PDE1B: variants seen among roughly 807,000 people sequenced by gnomAD.
PDE1B encodes the protein phosphodiesterase 1B, also known as dual specificity calcium/calmodulin-dependent 3',5'-cyclic nucleotide phosphodiesterase 1B.
A neutral mutation model predicts 66.7 loss-of-function variants in PDE1B; 13 were observed. That is an observed-to-expected ratio of 0.19 (90% CI 0.13 to 0.31). The LOEUF (loss-of-function observed/expected upper bound fraction) is 0.31, where lower values mean the gene tolerates loss of function less well. Ranked by LOEUF, PDE1B falls within the 10% of genes least tolerant of loss-of-function variation. The probability of loss-of-function intolerance (pLI) is 1.00; values close to 1 mark genes in which losing one functional copy is unlikely to be tolerated. For missense variants in PDE1B, 485 were observed against 682.3 expected (o/e 0.71, Z 3.22); for synonymous variants, 230 against 253.9 (o/e 0.91, Z 0.90).
At chr12:54,555,386 C>G (rs567136303) in intron 2 of PDE1B, among the ~76,000 whole-genome samples, 2 of 152,126 alleles carry the variant, frequency 1.3e-5, no homozygotes, top group Non-Finnish European at 2.9e-5. Flanking sequence ...CCAGGAGCCT[C>G]AGGAGGTGGT....
At chr12:54,559,713 G>T (rs1957382480) in intron 2 of PDE1B, among the ~76,000 whole-genome samples, 1 of 152,168 alleles carries the variant, frequency 6.6e-6, no homozygotes, top group Non-Finnish European at 1.5e-5. Flanking sequence ...CCTCTTCGAG[G>T]CTTTTCTAGT....
In PDE1B at chr12:54,569,199, G is replaced by C. The variant is rs574838194; in HGVS notation, c.243G>C (p.Thr81=). Residue 81 remains threonine (T), a synonymous_variant, in exon 4 of 16, where the codon ACG becomes ACC. Coordinates refer to ENST00000243052, the MANE Select transcript of PDE1B (RefSeq NM_000924.4). The surrounding 1 kb of genome is among the most constrained non-coding windows in gnomAD (Gnocchi z 4.4). ...YIDETRQILD[T]EDELQELRSD... The stretch of plus-strand genomic sequence containing the variant: ...GGGGTCTCAGGCAAATCTTGGACAC[G>C]GAGGACGAGCTGCAGGAGCTGCGGT... 4 of 1,607,358 alleles carry C rather than the reference G, an allele frequency of 2.5e-6. No homozygotes were observed. Among genetic ancestry groups the C allele is most frequent in the Non-Finnish European group, 2.6e-6 (3 of 1,175,630 alleles).
rs1555175896 is a variant in PDE1B at position 54,573,870 on chromosome 12, AGTGTGTGTGTGTGTGT to A, written c.1064+188_1064+203del. On this transcript the variant is annotated intron_variant, in intron 10 of 15. Coordinates refer to ENST00000243052, the MANE Select transcript of PDE1B (RefSeq NM_000924.4). This position sits in a 1 kb window ranked among gnomAD's most constrained non-coding sequence, Gnocchi z 5.2. ...GCATCTCTATGTGAGAGAGAGAGAG[AGTGTGTGTGTGTGTGT>A]GTGTGTGTGTGTGTGTGTGTGTGTG... 3.6e-5 allele frequency: 18 copies of A among 502,104 alleles called. No individual in the cohort carries two copies. Among genetic ancestry groups the A allele is most frequent in the Middle Eastern group, 5.3e-4 (1 of 1,894 alleles). 31.1% of individuals were successfully genotyped at this position (502,104 alleles called of 1,614,324 possible). A position where few individuals can be genotyped will look rare whatever the true frequency, so the allele number is the denominator to read the frequency against.
rs181105846 is a variant in PDE1B, at chr12:54,559,804, C to T, written c.114-7170C>T. On this transcript the variant is annotated intron_variant, in intron 2 of 15. Coordinates refer to ENST00000243052, the MANE Select transcript of PDE1B (RefSeq NM_000924.4). ...AGTGGCAGGGTCTGGAGTGAGGGTACAAGACGAGGCAGGGAAGTTGGCCTG... is the reference window on the plus strand; with the variant it reads ...AGTGGCAGGGTCTGGAGTGAGGGTATAAGACGAGGCAGGGAAGTTGGCCTG... Among the ~76,000 whole-genome samples the T allele has an allele frequency of 3.7e-4, 57 of 152,198 alleles. No homozygotes were observed. The East Asian group carries it at 8.7e-3, about 23-fold the overall frequency.
In PDE1B at chr12:54,570,322, T is replaced by C. The variant is rs1392822969; in HGVS notation, c.559T>C (p.Leu187=). 5.6e-6 allele frequency: 9 copies of C among 1,613,294 alleles called. No homozygotes were observed. The highest frequency in any genetic ancestry group is 1.7e-5 in the Admixed American group (1 of 60,016). ...DHALRTIVFE[L]LTRHNLISRF... ...TGCCCTGAGGACCATTGTTTTTGAG[T>C]TGCTGACTCGGCATAACCTCATCAG... The change falls in exon 6 of 16, where the codon TTG becomes CTG. Residue 187 remains leucine, a synonymous_variant. Coordinates refer to ENST00000243052, the MANE Select transcript of PDE1B (RefSeq NM_000924.4).
intron 2 of PDE1B, among the ~76,000 whole-genome samples, chr12:54,562,365 T>C (rs1408073432): frequency 6.6e-6 from 1 of 152,178 alleles, no homozygotes; most frequent in Non-Finnish European, 1.5e-5. Flanking sequence ...ATCTGAGGCT[T>C]TTCCAATCGT....
At chr12:54,557,209 C>A (rs914843270) in intron 2 of PDE1B, among the ~76,000 whole-genome samples, 1 of 152,218 alleles carries the variant, frequency 6.6e-6, no homozygotes, top group Admixed American at 6.5e-5. Context: ...CTAGACACCT[C>A]AAAGACTTCT....
At position 54,573,068 on chromosome 12, in the gene PDE1B, A is replaced by G. The variant is rs945090783; in HGVS notation, c.736-80A>G. 1 of 1,017,628 alleles carries G rather than the reference A, an allele frequency of 9.8e-7. No homozygotes were observed. The highest frequency in any genetic ancestry group is 1.6e-5 in the African/African-American group (1 of 63,572). 63.0% of individuals were successfully genotyped at this position (1,017,628 alleles called of 1,614,324 possible). On this transcript the variant is annotated intron_variant, in intron 7 of 15. Coordinates refer to ENST00000243052, the MANE Select transcript of PDE1B (RefSeq NM_000924.4). This position sits in a 1 kb window ranked among gnomAD's most constrained non-coding sequence, Gnocchi z 5.2. ...AAGCATGGAAGGGATGGGATGAGTG[A>G]TCTAGCCTGTGTGTGGAGGTTCCTG... is the stretch of plus-strand genomic sequence containing the variant.
chr12:54,558,318 A>G (rs938786714), intron 2 of PDE1B, among the ~76,000 whole-genome samples: 1 of 149,798 alleles, frequency 6.7e-6, no homozygotes, highest in African/African-American at 2.5e-5. Flanking sequence ...AATCTTCCCT[A>G]GGGCCTGCCC....
intron 2 of PDE1B, among the ~76,000 whole-genome samples, chr12:54,557,134 A>T (rs2121044336): frequency 6.6e-6 from 1 of 152,316 alleles, no homozygotes; most frequent in East Asian, 1.9e-4. Context: ...AACCATGAGC[A>T]TCTCTCTTCC....
intron 2 of PDE1B, among the ~76,000 whole-genome samples, chr12:54,550,900 G>A (rs1957268654): frequency 6.6e-6 from 1 of 152,304 alleles, no homozygotes; most frequent in Admixed American, 6.5e-5. Flanking sequence ...TCAAAGACAA[G>A]CCATGCACCA....
At chr12:54,568,702 A>C (rs1272268500) in intron 3 of PDE1B, among the ~76,000 whole-genome samples, 1 of 152,038 alleles carries the variant, frequency 6.6e-6, no homozygotes, top group Admixed American at 6.5e-5. Context: ...AGGCTGAGGC[A>C]GGAGAATCGC....
In PDE1B at chr12:54,569,015, G is replaced by T; in HGVS notation, c.228-169G>T. On this transcript the variant is annotated intron_variant, in intron 3 of 15. Coordinates refer to ENST00000243052, the MANE Select transcript of PDE1B (RefSeq NM_000924.4). The surrounding 1 kb of genome is among the most constrained non-coding windows in gnomAD (Gnocchi z 4.4). The stretch of plus-strand genomic sequence containing the variant: ...CACATGGAGACCTGTTTCATTATTG[G>T]AGATGTTAGATAAAGAAATAAAAAG... The T allele has an allele frequency of 8.8e-7, 1 of 1,130,818 alleles. No homozygotes were observed. Among genetic ancestry groups the T allele is most frequent in the East Asian group, 2.8e-5 (1 of 36,296 alleles). 70.0% of individuals were successfully genotyped at this position (1,130,818 alleles called of 1,614,324 possible). A position where few individuals can be genotyped will look rare whatever the true frequency, so the allele number is the denominator to read the frequency against.
chr12:54,551,000 C>T (rs76019248), intron 2 of PDE1B, among the ~76,000 whole-genome samples: 1 of 152,166 alleles, frequency 6.6e-6, no homozygotes, highest in Non-Finnish European at 1.5e-5. Context: ...TCCCTCTCTC[C>T]GAGATGAATC....
intron 2 of PDE1B, among the ~76,000 whole-genome samples, chr12:54,558,691 T>A (rs1333850497): frequency 6.6e-6 from 1 of 152,156 alleles, no homozygotes; most frequent in Non-Finnish European, 1.5e-5. Context: ...GCCCTAAACG[T>A]CCAGAGTGGT....
intron 2 of PDE1B, among the ~76,000 whole-genome samples, chr12:54,554,013 C>T (rs994048894): frequency 1.3e-5 from 2 of 152,102 alleles, no homozygotes; most frequent in African/African-American, 4.8e-5. Context: ...TGTGCACTTA[C>T]CTGAATACCT....
intron 2 of PDE1B, among the ~76,000 whole-genome samples, chr12:54,564,653 A>C (rs538658356): frequency 6.8e-4 from 104 of 152,210 alleles, no homozygotes; most frequent in Non-Finnish European, 9.7e-4. Flanking sequence ...ACAAAAAAAA[A>C]CAAAAAAGCA....
rs1047072156 is a variant in PDE1B, at chr12:54,561,748, C to A, written c.114-5226C>A. ...GAGAGATCAAGACCTGGCAGTCCCC[C>A]ATATGTTTTGTGCGTGTGTGTGTGT... On this transcript the variant is annotated intron_variant, in intron 2 of 15. Transcript: ENST00000243052. 5.7e-6 allele frequency: 4 copies of A among 703,310 alleles called. No homozygotes were observed. In the African/African-American group the frequency reaches 8.1e-5, roughly 14 times the overall value. The allele number at this position is 703,310 out of a possible 1,614,324, so 43.6% of individuals were successfully genotyped here.
rs763658557 is a variant in PDE1B, at chr12:54,576,557, G to A, written c.1377-14G>A. 2 of 1,613,888 alleles carry A rather than the reference G, an allele frequency of 1.2e-6. No homozygotes were observed. Among genetic ancestry groups the A allele is most frequent in the African/African-American group, 2.7e-5 (2 of 74,906 alleles). On this transcript the variant is annotated splice_polypyrimidine_tract_variant and intron_variant, in intron 13 of 15. Transcript: ENST00000243052. ...GGGCTTACCTCTTGCGGCTTTTGGG[G>A]GTTCTGCTTCTAGCTTTCAGTGGCG...
Sources: gnomAD v4.1 joint callset for allele counts (sites outside exome capture counted in the v4.1 genomes callset) on GRCh38, gnomAD v4.1.1 for gene constraint, Gnocchi (gnomAD v3.1) non-coding constraint, MANE v1.5 for transcripts, NCBI Gene and HGNC (gene_info 2026-07-23, HGNC 2026-07-21) for gene names.